CHIC1: variants seen among roughly 807,000 people sequenced by gnomAD.
CHIC1 encodes cysteine rich hydrophobic domain 1, also known as cysteine-rich hydrophobic domain-containing protein 1.
Under a neutral mutation model 18.5 loss-of-function variants are expected in CHIC1, and 7 were observed. The observed-to-expected ratio is 0.38, with a 90% CI of 0.22 to 0.71. The LOEUF (loss-of-function observed/expected upper bound fraction) is 0.71. Among genes scored for constraint, CHIC1 ranks in the 30% least tolerant of loss-of-function variants. The pLI, the probability that CHIC1 is intolerant of heterozygous loss-of-function variation, is 0.49. For synonymous variants in CHIC1, 77 were observed against 73.5 expected (o/e 1.05, Z -0.25); for missense variants, 159 against 176.9 (o/e 0.90, Z 0.57).
At chrX:73,582,944 T>G (rs944734544) in intron 2 of CHIC1, among the ~76,000 whole-genome samples, 1 of 110,937 alleles carries the variant, frequency 9.0e-6, no homozygotes, top group Non-Finnish European at 1.9e-5. Context: ...AGTTTGTTAG[T>G]GTTTTCTAAT....
At chrX:73,628,295 G>A (rs11798325) in intron 3 of CHIC1, among the ~76,000 whole-genome samples, 16,566 of 111,278 alleles carry the variant, frequency 0.15, 1,002 homozygotes, top group Non-Finnish European at 0.16. Flanking sequence ...GCTCCAGCTG[G>A]CGTCTCAGCA....
At chrX:73,676,932 G>T (rs1422067523) in intron 3 of CHIC1, among the ~76,000 whole-genome samples, 1 of 111,702 alleles carries the variant, frequency 9.0e-6, no homozygotes, top group Non-Finnish European at 1.9e-5. Flanking sequence ...CTTTCTGTTT[G>T]TTAGTTTTCC....
chrX:73,648,861 T>C (rs1356546819), intron 3 of CHIC1, among the ~76,000 whole-genome samples: 1 of 111,183 alleles, frequency 9.0e-6, no homozygotes, highest in African/African-American at 3.3e-5. Context: ...ACTACTAAGA[T>C]ATTTCATGAG....
intron 3 of CHIC1, among the ~76,000 whole-genome samples, chrX:73,638,171 G>T (rs1166327620): frequency 9.0e-6 from 1 of 111,592 alleles, no homozygotes; most frequent in Non-Finnish European, 1.9e-5. Flanking sequence ...TTCACAACCA[G>T]TCTCATCTTT....
chrX:73,627,895 G>A (rs904681182), intron 3 of CHIC1, among the ~76,000 whole-genome samples: 1 of 111,888 alleles, frequency 8.9e-6, no homozygotes, highest in African/African-American at 3.2e-5. Context: ...CTGGTAATGT[G>A]CTGAGTCTCA....
chrX:73,639,822 T>C (rs2057846965), intron 3 of CHIC1, among the ~76,000 whole-genome samples: 1 of 111,693 alleles, frequency 9.0e-6, no homozygotes, highest in Non-Finnish European at 1.9e-5. Context: ...CTGATTTGGC[T>C]CTCAGCTTGA....
At chrX:73,660,848 T>C (rs901944568) in intron 3 of CHIC1, among the ~76,000 whole-genome samples, 12 of 112,104 alleles carry the variant, frequency 1.1e-4, no homozygotes, top group African/African-American at 3.9e-4. Context: ...CATTACTGTT[T>C]ATGTCTTTCC....
chrX:73,608,534 A>T (rs1321983260), intron 3 of CHIC1, among the ~76,000 whole-genome samples: 1 of 108,534 alleles, frequency 9.2e-6, no homozygotes, highest in Non-Finnish European at 1.9e-5. Context: ...CCATAAGAGC[A>T]GACTGTCTTA....
At chrX:73,607,690 A>G (rs1253111827) in intron 3 of CHIC1, among the ~76,000 whole-genome samples, 1 of 108,136 alleles carries the variant, frequency 9.2e-6, no homozygotes, top group Admixed American at 9.7e-5. Context: ...GCCGGAATGC[A>G]TTGTTCCTCA....
intron 3 of CHIC1, among the ~76,000 whole-genome samples, chrX:73,593,896 T>A (rs1569501205): frequency 8.9e-6 from 1 of 111,737 alleles, no homozygotes; most frequent in Non-Finnish European, 1.9e-5. Flanking sequence ...GAATTCTATG[T>A]CATTTCAGAC....
intron 3 of CHIC1, among the ~76,000 whole-genome samples, chrX:73,653,332 C>A (rs760062481): frequency 1.1e-4 from 12 of 111,583 alleles, no homozygotes; most frequent in African/African-American, 3.9e-4. Flanking sequence ...GCACATGTAT[C>A]CTGGAACTTT....
chrX:73,634,970 A>G (rs1371707464), intron 3 of CHIC1, among the ~76,000 whole-genome samples: 1 of 110,974 alleles, frequency 9.0e-6, no homozygotes, highest in Non-Finnish European at 1.9e-5. Context: ...GCTGTATTAC[A>G]GTGCTGAAAC....
chrX:73,627,137 CAAAAA>C (rs759306668), intron 3 of CHIC1, among the ~76,000 whole-genome samples: 1 of 56,979 alleles, frequency 1.8e-5, no homozygotes, highest in African/African-American at 5.8e-5. Flanking sequence ...TAAGTTCTCC[CAAAAA>C]AAAAAAAAAA....
intron 3 of CHIC1, among the ~76,000 whole-genome samples, chrX:73,661,204 G>C (rs1418444008): frequency 1.8e-5 from 2 of 112,197 alleles, no homozygotes; most frequent in African/African-American, 6.5e-5. Flanking sequence ...GTTAAAAGAA[G>C]ATGTTTAATG....
intron 2 of CHIC1, among the ~76,000 whole-genome samples, chrX:73,582,427 G>T (rs1239491273): frequency 9.1e-6 from 1 of 109,837 alleles, no homozygotes; most frequent in East Asian, 2.8e-4. Context: ...TCTTAAGATA[G>T]AAACTTGGTA....
intron 2 of CHIC1, among the ~76,000 whole-genome samples, chrX:73,583,071 A>C (rs932104231): frequency 3.6e-5 from 4 of 111,388 alleles, no homozygotes; most frequent in Non-Finnish European, 5.7e-5. Flanking sequence ...CTGACAGTCT[A>C]GATGGAGAAT....
At chrX:73,586,901 A>G in intron 3 of CHIC1, among the ~76,000 whole-genome samples, 1 of 111,914 alleles carries the variant, frequency 8.9e-6, no homozygotes, top group East Asian at 2.8e-4. Flanking sequence ...TAAATATTTT[A>G]GCCTTTGTGA....
chrX:73,589,846 A>T (rs1402933363), intron 3 of CHIC1, among the ~76,000 whole-genome samples: 1 of 110,837 alleles, frequency 9.0e-6, no homozygotes, highest in Admixed American at 9.7e-5. Flanking sequence ...TTTTTGAAGG[A>T]TAATTTTGCT....
chrX:73,621,844 G>A (rs1048988018), intron 3 of CHIC1, among the ~76,000 whole-genome samples: 1 of 111,967 alleles, frequency 8.9e-6, no homozygotes, highest in African/African-American at 3.2e-5. Flanking sequence ...GTTATGAATA[G>A]CTCTTGTTAT....
Sources: allele counts gnomAD v4.1 joint callset (sites outside exome capture counted in the v4.1 genomes callset), GRCh38; gene constraint gnomAD v4.1.1; transcripts MANE v1.5; gene names NCBI Gene and HGNC (gene_info 2026-07-23, HGNC 2026-07-21).